Variants in SLIT1 observed in about 807,000 individuals in gnomAD.
SLIT1 encodes slit homolog 1 protein.
Under a neutral mutation model 186.1 loss-of-function variants are expected in SLIT1, and 66 were observed. The ratio of observed to expected loss-of-function variants is 0.35; its 90% CI spans 0.29 to 0.44. The LOEUF (loss-of-function observed/expected upper bound fraction) is 0.44, where lower values mean the gene tolerates loss of function less well. SLIT1 is among the 20% of genes least tolerant of loss of function. The probability of loss-of-function intolerance (pLI) is 1.00; values close to 1 mark genes in which losing one functional copy is unlikely to be tolerated. For missense variants in SLIT1, 1,638 were observed against 2,037.4 expected (o/e 0.80, Z 3.77); for synonymous variants, 761 against 833.8 (o/e 0.91, Z 1.50).
rs1848402351 is a variant in SLIT1 at position 97,010,640 on chromosome 10, G to T, written c.3341+353C>A. ...ACGTGGGTGGCCAGAGGGAGGGTGG[G>T]CCCTCCAACCTCCCAGGGGAGCCCA... is the stretch of plus-strand genomic sequence containing the variant. On this transcript the variant is annotated intron_variant, in intron 31 of 36. Coordinates refer to ENST00000266058, the MANE Select transcript of SLIT1 (RefSeq NM_003061.3). The surrounding 1 kb of genome is among the most constrained non-coding windows in gnomAD (Gnocchi z 4.8). Among the ~76,000 whole-genome samples, 1 of 152,212 alleles carries T rather than the reference G, an allele frequency of 6.6e-6. No individual in the cohort carries two copies. The highest frequency in any genetic ancestry group is 2.1e-4 in the South Asian group (1 of 4,834).
intron 3 of SLIT1, 67 bp from the exon 4 acceptor site, chr10:97,157,956 G>T: frequency 8.6e-7 from 1 of 1,168,198 alleles, no homozygotes. Flanking sequence ...TTCTCAGAAA[G>T]CACAAGATGG....
rs763526147 is a variant in SLIT1, at chr10:97,002,178, G to A, written c.4346C>T (p.Ser1449Leu). Residue 1449 changes from serine (S) to leucine (L), a missense_variant, in exon 36 of 37, where the codon TCG (serine) becomes TTG (leucine). Coordinates refer to ENST00000266058, the MANE Select transcript of SLIT1 (RefSeq NM_003061.3). ...CTGACCTTGCTCACACAGCTCGCCC[G>A]AAAAGCCGGGGTCACACACACAGTG... is the stretch of plus-strand genomic sequence containing the variant. Reference protein sequence around the residue: ...GAHCVCDPGFSGELCEQESEC... With the variant: ...GAHCVCDPGFLGELCEQESEC... 40 of 1,490,684 alleles carry A rather than the reference G, an allele frequency of 2.7e-5. No homozygotes were observed. The highest frequency in any genetic ancestry group is 2.5e-4 in the South Asian group (19 of 76,364). The allele number at this position is 1,490,684 out of a possible 1,614,324, so 92.3% of individuals were successfully genotyped here.
intron 28 of SLIT1, among the ~76,000 whole-genome samples, chr10:97,018,116 G>A (rs1674396796): frequency 6.6e-6 from 1 of 152,044 alleles, no homozygotes; most frequent in South Asian, 2.1e-4. Context: ...CAAAGTGTTG[G>A]GATTACAGGA....
chr10:97,060,657 G>C lies in SLIT1; in HGVS notation c.924C>G (p.Pro308=). ...KGLTAIPANL[P]ETMTEIRLEL... The stretch of plus-strand genomic sequence containing the variant: ...GTACTCACATCTCCGTCATGGTCTC[G>C]GGCAGGTTGGCCGGGATGGCAGTGA... The change falls in exon 9 of 37, where the codon CCC becomes CCG. Residue 308 remains proline (P), a synonymous_variant. Transcript: ENST00000266058. 1 of 1,613,182 alleles carries C rather than the reference G, an allele frequency of 6.2e-7. No homozygotes were observed. Among genetic ancestry groups the C allele is most frequent in the Non-Finnish European group, 8.5e-7 (1 of 1,180,036 alleles).
Position 97,022,631 on chromosome 10 carries a change from T to C in SLIT1, c.2583-1218A>G, listed in dbSNP as rs1848511624. On this transcript the variant is annotated intron_variant, in intron 25 of 36. Coordinates refer to ENST00000266058, the MANE Select transcript of SLIT1 (RefSeq NM_003061.3). The surrounding 1 kb of genome is among the most constrained non-coding windows in gnomAD (Gnocchi z 4.2). ...ACCTGTAGGCACACATAAAGACATCTGTGCAATGGGCCTATTTGTAATGGA... is the reference window on the plus strand; with the variant it reads ...ACCTGTAGGCACACATAAAGACATCCGTGCAATGGGCCTATTTGTAATGGA... 6.6e-6 allele frequency among the ~76,000 whole-genome samples: 1 copy of C among 152,224 alleles called. No homozygotes were observed. Among genetic ancestry groups the C allele is most frequent in the South Asian group, 2.1e-4 (1 of 4,828 alleles).
At chr10:97,005,754 C>T (rs1010154845) in intron 32 of SLIT1, among the ~76,000 whole-genome samples, 3 of 151,718 alleles carry the variant, frequency 2.0e-5, no homozygotes, top group South Asian at 2.1e-4. Context: ...GGAGAGGTGA[C>T]GTAGGGGAAG....
Position 97,010,559 on chromosome 10 carries a change from C to A in SLIT1, c.3341+434G>T, listed in dbSNP as rs1848401679. ...ATGTAACTGTGTAAACTGTATGGTA[C>A]ATGAATTATATCTCAATAAAGCTAT... On this transcript the variant is annotated intron_variant, in intron 31 of 36. Transcript: ENST00000266058. The surrounding 1 kb of genome is among the most constrained non-coding windows in gnomAD (Gnocchi z 4.8). Among the ~76,000 whole-genome samples the A allele has an allele frequency of 6.6e-6, 1 of 152,182 alleles. No homozygotes were observed. The highest frequency in any genetic ancestry group is 1.5e-5 in the Non-Finnish European group (1 of 68,032).
At chr10:97,127,152 G>A (rs940984729) in intron 4 of SLIT1, among the ~76,000 whole-genome samples, 11 of 151,810 alleles carry the variant, frequency 7.2e-5, no homozygotes, top group East Asian at 1.9e-4. Flanking sequence ...AAAATTAGCC[G>A]GGCATGGTGG....
chr10:97,056,282 T>G, intron 13 of SLIT1, 39 bp downstream of exon 13: 1 of 1,609,456 alleles, frequency 6.2e-7, no homozygotes, highest in Admixed American at 1.7e-5. Flanking sequence ...CAGGCCCACC[T>G]GCTGGGAGGG....
intron 24 of SLIT1, 142 bp from the exon 25 acceptor site, chr10:97,030,970 G>A: frequency 1.4e-6 from 1 of 697,356 alleles, no homozygotes; most frequent in South Asian, 1.6e-5. Context: ...GAAGGAGATG[G>A]CCCCTAGCTC....
chr10:97,018,578 T>C lies in SLIT1; in HGVS notation c.2969+8A>G. 1 of 1,552,038 alleles carries C rather than the reference T, an allele frequency of 6.4e-7. No individual in the cohort carries two copies. The highest frequency in any genetic ancestry group is 1.7e-4 in the Middle Eastern group (1 of 5,922). ...CTCACCAGGCTCCTGCCCCTCCAGG[T>C]AACTCACGTGAACGGGGCATCCTCG... is the stretch of plus-strand genomic sequence containing the variant. On this transcript the variant is annotated splice_region_variant and intron_variant, in intron 28 of 36. Transcript: ENST00000266058.
chr10:97,180,176 G>A lies in SLIT1; in HGVS notation c.197+5302C>T, dbSNP rs1310351902. On this transcript the variant is annotated intron_variant, in intron 1 of 36. Transcript: ENST00000266058. ...ATGGCGAAGAGGAGGGCCACCCTGG[G>A]ATCCAGCGTGACGCCCAAATTTCCT... is the stretch of plus-strand genomic sequence containing the variant. 3.3e-5 allele frequency among the ~76,000 whole-genome samples: 5 copies of A among 152,246 alleles called. No individual in the cohort carries two copies. In the South Asian group the frequency reaches 8.3e-4, roughly 25 times the overall value.
At chr10:97,177,182 C>T (rs1850267855) in intron 1 of SLIT1, among the ~76,000 whole-genome samples, 1 of 152,198 alleles carries the variant, frequency 6.6e-6, no homozygotes, top group Non-Finnish European at 1.5e-5. Context: ...GTCCCCCCAT[C>T]TCTCTCTCCA....
intron 4 of SLIT1, among the ~76,000 whole-genome samples, chr10:97,108,198 G>A (rs1355938446): frequency 6.6e-6 from 1 of 152,150 alleles, no homozygotes; most frequent in African/African-American, 2.4e-5. Context: ...CCTCTGTGAG[G>A]ACCTTCTGGA....
rs1849790860 is a variant in SLIT1 at position 97,143,910 on chromosome 10, TA to T, written c.413+13907del. 3.9e-5 allele frequency among the ~76,000 whole-genome samples: 6 copies of T among 152,254 alleles called. No homozygotes were observed. In the South Asian group the frequency reaches 1.2e-3, roughly 32 times the overall value. On this transcript the variant is annotated intron_variant, in intron 4 of 36. Transcript: ENST00000266058. ...TTCAATGTTAAAGTTAAGATTAGATTAAACAGGCTGAGCGCAGTGGCTCACA... is the reference window on the plus strand; with the variant it reads ...TTCAATGTTAAAGTTAAGATTAGATTAACAGGCTGAGCGCAGTGGCTCACA...
chr10:97,181,371 G>A (rs758055631), intron 1 of SLIT1, among the ~76,000 whole-genome samples: 1 of 152,226 alleles, frequency 6.6e-6, no homozygotes, highest in Non-Finnish European at 1.5e-5. Context: ...TTTCAAACAG[G>A]CTCCCCAGAG....
intron 4 of SLIT1, among the ~76,000 whole-genome samples, chr10:97,116,116 C>T (rs1849507705): frequency 6.6e-6 from 1 of 152,064 alleles, no homozygotes; most frequent in South Asian, 2.1e-4. Flanking sequence ...ATTTCACGGG[C>T]TGTTGAAAGA....
intron 4 of SLIT1, among the ~76,000 whole-genome samples, chr10:97,113,706 C>T (rs1304619222): frequency 6.6e-6 from 1 of 152,054 alleles, no homozygotes; most frequent in Non-Finnish European, 1.5e-5. Context: ...GCATGCACCA[C>T]CATGCCCAGC....
At chr10:97,118,780 G>GA (rs1196878416) in intron 4 of SLIT1, among the ~76,000 whole-genome samples, 1 of 152,134 alleles carries the variant, frequency 6.6e-6, no homozygotes, top group Middle Eastern at 3.4e-3. Context: ...TTCCTCACCA[G>GA]AAAAAATGGG....
Sources: allele counts gnomAD v4.1 joint callset (sites outside exome capture counted in the v4.1 genomes callset), GRCh38; gene constraint gnomAD v4.1.1; non-coding constraint Gnocchi (gnomAD v3.1); transcripts MANE v1.5; gene names NCBI Gene and HGNC (gene_info 2026-07-23, HGNC 2026-07-21).